The following ZBTB44 variants were observed in gnomAD, a reference collection of about 807,000 sequenced individuals.
ZBTB44 encodes zinc finger and BTB domain containing 44.
In ZBTB44, 15 loss-of-function variants were observed where a neutral mutation model predicts 54.0. The ratio of observed to expected loss-of-function variants is 0.28; its 90% confidence interval spans 0.19 to 0.43. The LOEUF is 0.43. ZBTB44 is among the 20% of genes least tolerant of loss of function. The probability of loss-of-function intolerance (pLI) is 1.00; values close to 1 mark genes in which losing one functional copy is unlikely to be tolerated. For missense variants in ZBTB44, 487 were observed against 707.1 expected, an observed-to-expected ratio of 0.69 and a Z score of 3.53; for synonymous variants, 230 against 250.1, an observed-to-expected ratio of 0.92 and a Z score of 0.76.
chr11:130,242,719 C>T lies in ZBTB44; in HGVS notation c.1019-2823G>A, dbSNP rs544051194. Among the ~76,000 whole-genome samples the T allele has an allele frequency of 5.3e-5, 8 of 150,782 alleles. No homozygotes were observed. In the East Asian group the frequency reaches 1.5e-3, roughly 29 times the overall value. On this transcript the variant is annotated intron_variant, in intron 2 of 7. Transcript: ENST00000357899. ...AGTCATATTCTTTTGAAGGTAATGT[C>T]TTTTTACATTTTTTTCCCTGAATTT...
Position 130,226,929 on chromosome 11 carries a change from TCAAA to T in ZBTB44, c.*4831_*4834del, listed in dbSNP as rs555254599. The stretch of plus-strand genomic sequence containing the variant: ...GTACTCAATACATATTTTCCTTATA[TCAAA>T]CAAGCTAATTTCAGTACAATATAAC... On this transcript the variant is annotated 3_prime_UTR_variant, in exon 8 of 8. Coordinates refer to ENST00000357899, the MANE Select transcript of ZBTB44 (RefSeq NM_001301098.2). 1.7e-4 allele frequency: 26 copies of T among 152,256 alleles called. No homozygotes were observed. The highest frequency in any genetic ancestry group is 5.5e-4 in the African/African-American group (23 of 41,550). 9.4% of individuals were successfully genotyped at this position (152,256 alleles called of 1,614,324 possible). A position where few individuals can be genotyped will look rare whatever the true frequency, so the allele number is the denominator to read the frequency against.
chr11:130,283,090 G>T (rs1459202990), intron 1 of ZBTB44, among the ~76,000 whole-genome samples: 1 of 125,460 alleles, frequency 8.0e-6, no homozygotes, highest in Non-Finnish European at 1.5e-5. Flanking sequence ...CACCCAGACT[G>T]CTGGAGTGTA....
At position 130,237,061 on chromosome 11, in the gene ZBTB44, T is replaced by C; in HGVS notation, c.1300A>G (p.Lys434Glu). 6.3e-7 allele frequency: 1 copy of C among 1,595,978 alleles called. No homozygotes were observed. The highest frequency in any genetic ancestry group is 8.5e-7 in the Non-Finnish European group (1 of 1,171,746). ...AGCGAGTAAGCCCTGGTGAACTTTT[T>C]CCCACAGCGGTCACACTGAAATGGT... Reference protein sequence around the residue: ...IKPFQCDRCGKKFTRAYSLKM... With the variant: ...IKPFQCDRCGEKFTRAYSLKM... Residue 434 changes from lysine (K) to glutamate (E), a missense_variant, in exon 5 of 8, where the codon AAA becomes GAA. By Grantham distance (56) the Lys-to-Glu change is moderately conservative. Coordinates refer to ENST00000357899, the MANE Select transcript of ZBTB44 (RefSeq NM_001301098.2).
chr11:130,240,285 C>G (rs1954304923), intron 2 of ZBTB44, among the ~76,000 whole-genome samples: 2 of 152,060 alleles, frequency 1.3e-5, no homozygotes, highest in Non-Finnish European at 2.9e-5. Context: ...TGTGATCCAC[C>G]TGCCTCGGCC....
rs889694147 is a variant in ZBTB44, at chr11:130,226,915, A to G, written c.*4849T>C. The G allele has an allele frequency of 6.6e-5, 10 of 152,208 alleles. No individual in the cohort carries two copies. The highest frequency in any genetic ancestry group is 1.3e-4 in the Non-Finnish European group (9 of 68,038). 9.4% of individuals were successfully genotyped at this position (152,208 alleles called of 1,614,324 possible). A position where few individuals can be genotyped will look rare whatever the true frequency, so the allele number is the denominator to read the frequency against. On this transcript the variant is annotated 3_prime_UTR_variant, in exon 8 of 8. Transcript: ENST00000357899. ...AGGCTAGCAAAAAGGTACTCAATAC[A>G]TATTTTCCTTATATCAAACAAGCTA...
chr11:130,252,384 A>G lies in ZBTB44; in HGVS notation c.1018+8472T>C, dbSNP rs553965780. Among the ~76,000 whole-genome samples, 28 of 152,326 alleles carry G rather than the reference A, an allele frequency of 1.8e-4. No individual in the cohort carries two copies. The South Asian group carries it at 5.0e-3, about 27-fold the overall frequency. Reference sequence around the variant, plus strand: ...CAGATCAACGAGACAGAAAATTAACAAAGATATTCAGGACTTGAACTCAGC... The same window carrying G: ...CAGATCAACGAGACAGAAAATTAACGAAGATATTCAGGACTTGAACTCAGC... On this transcript the variant is annotated intron_variant, in intron 2 of 7. Transcript: ENST00000357899.
At chr11:130,251,088 C>A (rs867361713) in intron 2 of ZBTB44, among the ~76,000 whole-genome samples, 2 of 152,080 alleles carry the variant, frequency 1.3e-5, no homozygotes, top group Non-Finnish European at 1.5e-5. Context: ...AACCCGTTTA[C>A]GGAAGAACAT....
chr11:130,272,844 T>G lies in ZBTB44; in HGVS notation c.-56-10915A>C, dbSNP rs145621922. Among the ~76,000 whole-genome samples, 1,177 of 152,316 alleles carry G rather than the reference T, an allele frequency of 7.7e-3. 8 individuals are homozygous for G. The highest frequency in any genetic ancestry group is 0.018 in the African/African-American group (760 of 41,576). On this transcript the variant is annotated intron_variant, in intron 1 of 7. Coordinates refer to ENST00000357899, the MANE Select transcript of ZBTB44 (RefSeq NM_001301098.2). ...GTATTCTTTTACCACTGAAAGATCTTGGCATCCTTGTTGGAAATCAGTTGA... is the reference window on the plus strand; with the variant it reads ...GTATTCTTTTACCACTGAAAGATCTGGGCATCCTTGTTGGAAATCAGTTGA...
At position 130,230,619 on chromosome 11, in the gene ZBTB44, C is replaced by G. The variant is rs750085307; in HGVS notation, c.*1145G>C. 1 of 149,942 alleles carries G rather than the reference C, an allele frequency of 6.7e-6. No individual in the cohort carries two copies. The highest frequency in any genetic ancestry group is 2.4e-5 in the African/African-American group (1 of 40,960). 9.3% of individuals were successfully genotyped at this position (149,942 alleles called of 1,614,324 possible). ...ATGTAACTAAATGCGTAACTAATTA[C>G]TTGAAATAAAAAGATTACTTGAAAT... On this transcript the variant is annotated 3_prime_UTR_variant, in exon 8 of 8. Coordinates refer to ENST00000357899, the MANE Select transcript of ZBTB44 (RefSeq NM_001301098.2).
At chr11:130,265,686 G>A (rs1422056288) in intron 1 of ZBTB44, among the ~76,000 whole-genome samples, 1 of 152,198 alleles carries the variant, frequency 6.6e-6, no homozygotes, top group Non-Finnish European at 1.5e-5. Context: ...TTGCTGACAT[G>A]CAGAAAGTTT....
At chr11:130,235,043 C>T (rs113331280) in intron 5 of ZBTB44, among the ~76,000 whole-genome samples, 5 of 152,174 alleles carry the variant, frequency 3.3e-5, no homozygotes, top group African/African-American at 1.2e-4. Context: ...GTAATTGAAA[C>T]TAAGTATGTG....
chr11:130,281,302 T>C (rs1289451194), intron 1 of ZBTB44, among the ~76,000 whole-genome samples: 2 of 151,986 alleles, frequency 1.3e-5, no homozygotes, highest in Admixed American at 1.3e-4. Context: ...GGAGGATCAC[T>C]TGAGCCCAAG....
At chr11:130,233,790 T>C (rs1953986484) in intron 6 of ZBTB44, 3 of 1,172,176 alleles carry the variant, frequency 2.6e-6, no homozygotes, top group East Asian at 5.6e-5. Context: ...CATCATGTTA[T>C]TGTGTACTTA....
intron 1 of ZBTB44, among the ~76,000 whole-genome samples, chr11:130,312,949 G>C (rs182635213): frequency 3.3e-4 from 51 of 152,316 alleles, no homozygotes; most frequent in Non-Finnish European, 6.6e-4. Context: ...TACAGAGAAA[G>C]ACAGGAAACA....
intron 1 of ZBTB44, among the ~76,000 whole-genome samples, chr11:130,276,238 A>AAAAAAAAAAAAG (rs1391095116): frequency 5.0e-5 from 7 of 140,950 alleles, no homozygotes; most frequent in Non-Finnish European, 1.1e-4. Flanking sequence ...GTCTCAAAAA[A>AAAAAAAAAAAAG]AAAAAAAAGA....
chr11:130,280,963 T>TA (rs1940456338), intron 1 of ZBTB44, among the ~76,000 whole-genome samples: 1 of 152,200 alleles, frequency 6.6e-6, no homozygotes, highest in East Asian at 1.9e-4. Context: ...CATCCAGTCT[T>TA]ACTATCTCTA....
chr11:130,296,993 G>T (rs1397866067), intron 1 of ZBTB44: 4 of 742,820 alleles, frequency 5.4e-6, no homozygotes, highest in Admixed American at 1.9e-5. Flanking sequence ...AGAAAGTTGA[G>T]AAGTCCAAAA....
At chr11:130,235,741 T>C (rs1439875919) in intron 5 of ZBTB44, among the ~76,000 whole-genome samples, 1 of 152,158 alleles carries the variant, frequency 6.6e-6, no homozygotes, top group Non-Finnish European at 1.5e-5. Flanking sequence ...GGCTCACGCC[T>C]GTAATCCCAC....
At chr11:130,296,069 T>C (rs1461763900) in intron 1 of ZBTB44, 26 of 1,584,176 alleles carry the variant, frequency 1.6e-5, no homozygotes, top group Middle Eastern at 2.3e-4. Flanking sequence ...ATCTTGGATG[T>C]TGGGTATGAA....
Sources: gnomAD v4.1 joint callset for allele counts (sites outside exome capture counted in the v4.1 genomes callset) on GRCh38, gnomAD v4.1.1 for gene constraint, MANE v1.5 for transcripts, NCBI Gene and HGNC (gene_info 2026-07-23, HGNC 2026-07-21) for gene names.